Variants in ABI3BP observed in about 807,000 individuals in gnomAD.
ABI3BP encodes ABI family member 3 binding protein.
In ABI3BP, 216 loss-of-function variants were observed where a neutral mutation model predicts 268.6. That is an observed-to-expected ratio of 0.80 (90% CI 0.72 to 0.90). The LOEUF (loss-of-function observed/expected upper bound fraction) is 0.90. Among genes scored for constraint, ABI3BP ranks in the 40% least tolerant of loss-of-function variants. The pLI is 0.00. For synonymous variants in ABI3BP, 730 were observed against 730.0 expected, an observed-to-expected ratio of 1.00 and a Z score of 0.00; for missense variants, 2,090 against 2,182.4, an observed-to-expected ratio of 0.96 and a Z score of 0.84.
At chr3:100,950,881 C>T (rs1438190355) in intron 1 of ABI3BP, among the ~76,000 whole-genome samples, 1 of 151,764 alleles carries the variant, frequency 6.6e-6, no homozygotes, top group Non-Finnish European at 1.5e-5. Flanking sequence ...ATGGGACAAC[C>T]TGTTTTATGG....
chr3:100,844,276 C>T (rs1455719991), intron 20 of ABI3BP: 1 of 985,272 alleles, frequency 1.0e-6, no homozygotes, highest in Non-Finnish European at 1.2e-6. Flanking sequence ...TTGGGGGCAC[C>T]CCCTTATTTT....
Position 100,752,752 on chromosome 3 carries a change from T to TA in ABI3BP, c.5122+34dup, listed in dbSNP as rs771492940. On this transcript the variant is annotated intron_variant, in intron 66 of 67. Transcript: ENST00000471714. The stretch of plus-strand genomic sequence containing the variant: ...AATGCTGCAAAACATTCCCATAAGT[T>TA]AAGGGCTGAAAACAGAGCTGGTAGC... 7.5e-6 allele frequency: 12 copies of TA among 1,604,348 alleles called. No homozygotes were observed. The East Asian group carries it at 2.5e-4, about 33-fold the overall frequency.
At chr3:100,883,182 A>T (rs570937945) in intron 6 of ABI3BP, among the ~76,000 whole-genome samples, 33 of 151,558 alleles carry the variant, frequency 2.2e-4, no homozygotes, top group African/African-American at 6.3e-4. Flanking sequence ...CAGAATTATT[A>T]TAAAATCAAA....
At chr3:100,849,286 C>T (rs1010965822) in intron 17 of ABI3BP, among the ~76,000 whole-genome samples, 75 of 139,650 alleles carry the variant, frequency 5.4e-4, no homozygotes, top group Admixed American at 4.9e-3. Context: ...GAGTGCGTGG[C>T]GCAACCTTGG....
chr3:100,792,796 T>C (rs1418477167), intron 54 of ABI3BP, 28 bp from the exon 55 acceptor site: 1 of 1,585,576 alleles, frequency 6.3e-7, no homozygotes, highest in East Asian at 2.2e-5. Context: ...AGATTGCTTG[T>C]TTTAAATAAT....
chr3:100,959,261 C>T (rs865859472), intron 1 of ABI3BP, among the ~76,000 whole-genome samples: 11 of 151,846 alleles, frequency 7.2e-5, no homozygotes, highest in African/African-American at 2.2e-4. Flanking sequence ...GAGGCCGAGG[C>T]GGGCGGATCA....
chr3:100,948,660 C>T (rs2073604137), intron 1 of ABI3BP, among the ~76,000 whole-genome samples: 1 of 152,172 alleles, frequency 6.6e-6, no homozygotes, highest in Non-Finnish European at 1.5e-5. Context: ...TTTCATCTCC[C>T]TTTCCTCTAC....
At chr3:100,880,980 C>T (rs989242336) in intron 6 of ABI3BP, among the ~76,000 whole-genome samples, 1 of 151,950 alleles carries the variant, frequency 6.6e-6, no homozygotes, top group African/African-American at 2.4e-5. Flanking sequence ...TTCAATGACT[C>T]AAGAGTCAAA....
intron 1 of ABI3BP, among the ~76,000 whole-genome samples, chr3:100,991,748 A>C (rs533433134): frequency 6.6e-6 from 1 of 152,286 alleles, no homozygotes; most frequent in African/African-American, 2.4e-5. Context: ...AAACAACAAA[A>C]GTTTTGTGGC....
chr3:100,981,642 T>C (rs372639637), intron 1 of ABI3BP, among the ~76,000 whole-genome samples: 43 of 152,326 alleles, frequency 2.8e-4, no homozygotes, highest in African/African-American at 1.0e-3. Flanking sequence ...TACTTTCAGA[T>C]GTTTCACCGT....
intron 38 of ABI3BP, among the ~76,000 whole-genome samples, chr3:100,821,366 T>C (rs1376925889): frequency 6.6e-6 from 1 of 152,170 alleles, no homozygotes; most frequent in Non-Finnish European, 1.5e-5. Flanking sequence ...ATGTAGGTAT[T>C]GCTAAGAACT....
intron 49 of ABI3BP, among the ~76,000 whole-genome samples, chr3:100,809,045 G>A (rs1179891889): frequency 3.3e-5 from 5 of 152,138 alleles, no homozygotes; most frequent in African/African-American, 1.2e-4. Flanking sequence ...GACACCAGAA[G>A]TTTCTGAAGG....
chr3:100,938,530 T>C (rs1231344171), intron 1 of ABI3BP, among the ~76,000 whole-genome samples: 1 of 152,100 alleles, frequency 6.6e-6, no homozygotes, highest in Non-Finnish European at 1.5e-5. Flanking sequence ...GAGACAATTA[T>C]ACAAGTATCT....
chr3:100,752,552 T>C (rs2095395913), intron 66 of ABI3BP: 3 of 408,492 alleles, frequency 7.3e-6, no homozygotes. Flanking sequence ...CATTCCAGTT[T>C]GTCATGATGG....
At position 100,808,248 on chromosome 3, in the gene ABI3BP, A is replaced by G. The variant is rs1176851990; in HGVS notation, c.3608-13T>C. The G allele has an allele frequency of 6.3e-7, 1 of 1,597,006 alleles. No homozygotes were observed. The highest frequency in any genetic ancestry group is 8.5e-7 in the Non-Finnish European group (1 of 1,172,056). The stretch of plus-strand genomic sequence containing the variant: ...GTCTGCTTGGGAGCTAAAAGAAAGG[A>G]TATAGGTTCGGAAATCTTGAGCCCT... On this transcript the variant is annotated splice_polypyrimidine_tract_variant and intron_variant, in intron 49 of 67. Transcript: ENST00000471714.
intron 1 of ABI3BP, among the ~76,000 whole-genome samples, chr3:100,977,613 T>C (rs2086908736): frequency 6.6e-6 from 1 of 152,198 alleles, no homozygotes; most frequent in Non-Finnish European, 1.5e-5. Flanking sequence ...GATTGGGTGA[T>C]CCAAGAAAAT....
chr3:100,851,826 G>T, intron 15 of ABI3BP, 49 bp downstream of exon 15: 1 of 1,466,482 alleles, frequency 6.8e-7, no homozygotes, highest in Non-Finnish European at 9.2e-7. Context: ...GAACCACCAA[G>T]TGTTGGAACA....
At chr3:100,958,652 T>C (rs948623745) in intron 1 of ABI3BP, among the ~76,000 whole-genome samples, 2 of 152,220 alleles carry the variant, frequency 1.3e-5, no homozygotes, top group Admixed American at 6.5e-5. Context: ...TTCAAATTTG[T>C]AATGTTTCTA....
intron 67 of ABI3BP, among the ~76,000 whole-genome samples, chr3:100,751,039 C>T (rs551140137): frequency 6.6e-6 from 1 of 152,280 alleles, no homozygotes; most frequent in East Asian, 1.9e-4. Context: ...ACTGCTTAGA[C>T]AAGGATTAAT....
Sources: gnomAD v4.1 joint callset for allele counts (sites outside exome capture counted in the v4.1 genomes callset) on GRCh38, gnomAD v4.1.1 for gene constraint, MANE v1.5 for transcripts, NCBI Gene and HGNC (gene_info 2026-07-23, HGNC 2026-07-21) for gene names.